Variants in PBX1 observed in about 807,000 individuals in gnomAD.
The protein encoded by PBX1 is pre-B-cell leukemia transcription factor 1.
In PBX1, 6 loss-of-function variants were observed where a neutral mutation model predicts 53.4. That is an observed-to-expected ratio of 0.11 (90% confidence interval 0.06 to 0.22). The LOEUF is 0.22. PBX1 is among the 10% of genes least tolerant of loss of function. The pLI, the probability that PBX1 is intolerant of heterozygous loss-of-function variation, is 1.00. For missense variants in PBX1, 251 were observed against 551.4 expected (o/e 0.46, Z 5.46); for synonymous variants, 204 against 212.3 (o/e 0.96, Z 0.34).
intron 2 of PBX1, among the ~76,000 whole-genome samples, chr1:164,880,637 A>T (rs1038741607): frequency 6.6e-6 from 1 of 152,176 alleles, no homozygotes; most frequent in Non-Finnish European, 1.5e-5. Flanking sequence ...CTTGGGAAAT[A>T]CTGACTCAAG....
intron 2 of PBX1, among the ~76,000 whole-genome samples, chr1:164,582,217 A>C (rs1029506451): frequency 5.3e-5 from 8 of 152,190 alleles, no homozygotes; most frequent in Non-Finnish European, 1.2e-4. Context: ...TCTTTGGGTC[A>C]AACTAGTCTA....
At chr1:164,634,988 G>A (rs1402620236) in intron 2 of PBX1, among the ~76,000 whole-genome samples, 1 of 150,688 alleles carries the variant, frequency 6.6e-6, no homozygotes, top group Non-Finnish European at 1.5e-5. Context: ...TTGTGGGCAG[G>A]AGTTAACTCT....
intron 2 of PBX1, among the ~76,000 whole-genome samples, chr1:164,729,882 C>T (rs1167071335): frequency 6.6e-6 from 1 of 152,204 alleles, no homozygotes; most frequent in African/African-American, 2.4e-5. Flanking sequence ...ATTTCCTCTG[C>T]ATCAGGCACT....
intron 2 of PBX1, among the ~76,000 whole-genome samples, chr1:164,719,765 G>A (rs549869718): frequency 2.0e-5 from 3 of 152,118 alleles, no homozygotes; most frequent in Non-Finnish European, 4.4e-5. Context: ...AAGCACATGG[G>A]GGGTATGTGT....
intron 2 of PBX1, among the ~76,000 whole-genome samples, chr1:164,736,113 G>T (rs1451951070): frequency 1.3e-5 from 2 of 152,108 alleles, no homozygotes; most frequent in African/African-American, 2.4e-5. Context: ...GCTATTGAAG[G>T]CCTGAAAGTG....
At chr1:164,858,447 GCACACACACACACACACA>G (rs4035257) in intron 2 of PBX1, among the ~76,000 whole-genome samples, 1 of 148,530 alleles carries the variant, frequency 6.7e-6, no homozygotes, top group Non-Finnish European at 1.5e-5. Context: ...CCCAGAGCCA[GCACACACACACACACACA>G]CACACACACA....
intron 2 of PBX1, among the ~76,000 whole-genome samples, chr1:164,577,536 C>T (rs543079133): frequency 1.2e-4 from 18 of 152,176 alleles, no homozygotes; most frequent in Non-Finnish European, 2.4e-4. Context: ...CATGCCTAAG[C>T]CATATTACTT....
chr1:164,655,478 T>A (rs1169694489), intron 2 of PBX1, among the ~76,000 whole-genome samples: 1 of 151,696 alleles, frequency 6.6e-6, no homozygotes, highest in Admixed American at 6.6e-5. Flanking sequence ...TGGTCTGGCT[T>A]TGGGAGTAGA....
chr1:164,568,746 C>A (rs559613365), intron 2 of PBX1, among the ~76,000 whole-genome samples: 4 of 152,180 alleles, frequency 2.6e-5, no homozygotes, highest in Non-Finnish European at 4.4e-5. Context: ...AATCGATCGT[C>A]GCTCATGAGG....
intron 8 of PBX1, among the ~76,000 whole-genome samples, chr1:164,823,621 G>A (rs1460376976): frequency 1.1e-5 from 1 of 94,442 alleles, no homozygotes; most frequent in Non-Finnish European, 2.0e-5. Flanking sequence ...GGGGGGTGGG[G>A]GGGGGGGTCA....
chr1:164,623,318 C>G (rs1179166350), intron 2 of PBX1, among the ~76,000 whole-genome samples: 2 of 152,218 alleles, frequency 1.3e-5, no homozygotes, highest in Non-Finnish European at 2.9e-5. Flanking sequence ...TAATTGCCCA[C>G]AGTCTTCTGT....
At chr1:164,718,296 G>T (rs1244475723) in intron 2 of PBX1, among the ~76,000 whole-genome samples, 1 of 152,184 alleles carries the variant, frequency 6.6e-6, no homozygotes, top group African/African-American at 2.4e-5. Context: ...TTGGGCAAAA[G>T]AATTCATCAT....
At chr1:164,870,259 T>G (rs1332351926) in intron 2 of PBX1, among the ~76,000 whole-genome samples, 1 of 77,904 alleles carries the variant, frequency 1.3e-5, no homozygotes, top group African/African-American at 5.5e-5. Context: ...CCTTCCTTCC[T>G]TCCTTCCTTC....
chr1:164,606,479 G>A (rs920993248), intron 2 of PBX1, among the ~76,000 whole-genome samples: 4 of 152,206 alleles, frequency 2.6e-5, no homozygotes, highest in African/African-American at 7.2e-5. Context: ...GTTGCAGTGA[G>A]CTATGAGAAT....
intron 2 of PBX1, chr1:164,605,128 T>C (rs948929368): frequency 6.6e-6 from 1 of 152,052 alleles, no homozygotes; most frequent in Non-Finnish European, 1.5e-5. Flanking sequence ...ATCCTGGGAA[T>C]GTTTAGGAGG....
chr1:164,731,875 C>G (rs1161459631), intron 2 of PBX1, among the ~76,000 whole-genome samples: 1 of 152,154 alleles, frequency 6.6e-6, no homozygotes, highest in East Asian at 1.9e-4. Context: ...TCGCCTGGGC[C>G]CCTGCTGCCA....
At chr1:164,766,513 G>T (rs1274954572) in intron 2 of PBX1, among the ~76,000 whole-genome samples, 1 of 152,098 alleles carries the variant, frequency 6.6e-6, no homozygotes, top group Non-Finnish European at 1.5e-5. Context: ...ATAAATAAAA[G>T]ACTCTCATGC....
downstream of PBX1, among the ~76,000 whole-genome samples, chr1:164,853,585 G>A (rs1671907136): frequency 6.6e-6 from 1 of 152,152 alleles, no homozygotes; most frequent in Admixed American, 6.5e-5. Flanking sequence ...CACCTCTATA[G>A]AAATGTAAGA....
rs530607367 is a variant in PBX1, at chr1:164,611,726, TG to T, written c.265+48417del. On this transcript the variant is annotated intron_variant, in intron 2 of 8. Coordinates refer to ENST00000420696, the MANE Select transcript of PBX1 (RefSeq NM_002585.4). ...AAATTACTTAGCTCATCTACTCTGCTGGAAGAGTAGAGAAGAGGGTGACATA... is the reference window on the plus strand; with the variant it reads ...AAATTACTTAGCTCATCTACTCTGCTGAAGAGTAGAGAAGAGGGTGACATA... Among the ~76,000 whole-genome samples the T allele has an allele frequency of 6.7e-4, 102 of 152,130 alleles. 1 individual carries two copies. The highest frequency in any genetic ancestry group is 1.3e-3 in the Non-Finnish European group (89 of 68,018).
Sources: allele counts gnomAD v4.1 joint callset (sites outside exome capture counted in the v4.1 genomes callset), GRCh38; gene constraint gnomAD v4.1.1; transcripts MANE v1.5; gene names NCBI Gene and HGNC (gene_info 2026-07-23, HGNC 2026-07-21).